The following GALNT17 variants were observed in gnomAD, a reference collection of about 807,000 sequenced individuals.
GALNT17 encodes the protein polypeptide N-acetylgalactosaminyltransferase 17, also known as UDP-GalNAc:polypeptide N-acetylgalactosaminyltransferase-like 3.
In GALNT17, 29 loss-of-function variants were observed where a neutral mutation model predicts 63.7. The ratio of observed to expected loss-of-function variants is 0.46; its 90% CI spans 0.34 to 0.62. The LOEUF is 0.62. Ranked by LOEUF, GALNT17 falls within the 20% of genes least tolerant of loss-of-function variation. The probability of loss-of-function intolerance (pLI) is 0.01; values close to 1 mark genes in which losing one functional copy is unlikely to be tolerated. For missense variants in GALNT17, 603 were observed against 799.6 expected, an observed-to-expected ratio of 0.75 and a Z score of 2.97; for synonymous variants, 305 against 318.3, an observed-to-expected ratio of 0.96 and a Z score of 0.45.
chr7:71,390,629 A>G (rs971269897), intron 3 of GALNT17, among the ~76,000 whole-genome samples: 1 of 152,040 alleles, frequency 6.6e-6, no homozygotes, highest in Non-Finnish European at 1.5e-5. Flanking sequence ...CTCTGCACCT[A>G]CCACAGACCT....
intron 5 of GALNT17, among the ~76,000 whole-genome samples, chr7:71,483,100 A>G (rs1787850402): frequency 6.6e-6 from 1 of 152,152 alleles, no homozygotes; most frequent in African/African-American, 2.4e-5. Flanking sequence ...TCTGGTATAA[A>G]AGACTAATCA....
intron 5 of GALNT17, among the ~76,000 whole-genome samples, chr7:71,424,427 G>A (rs1786721662): frequency 6.6e-6 from 1 of 152,232 alleles, no homozygotes; most frequent in Non-Finnish European, 1.5e-5. Flanking sequence ...AGTGCCTTCG[G>A]ATGCCCAGCA....
In GALNT17 at chr7:71,441,119, T is replaced by A. The variant is rs547932496; in HGVS notation, c.962+20014T>A. 2.0e-5 allele frequency among the ~76,000 whole-genome samples: 3 copies of A among 151,756 alleles called. No homozygotes were observed. In the South Asian group the frequency reaches 6.3e-4, roughly 32 times the overall value. On this transcript the variant is annotated intron_variant, in intron 5 of 10. Transcript: ENST00000333538. ...CTCACTGCAACCTCCGCCTCCTGGG[T>A]TCAAGTTGTTCTCCTGCCTCAGCCT... is the stretch of plus-strand genomic sequence containing the variant.
At chr7:71,688,405 C>T (rs116469968) in intron 9 of GALNT17, among the ~76,000 whole-genome samples, 36 of 152,262 alleles carry the variant, frequency 2.4e-4, no homozygotes, top group African/African-American at 8.4e-4. Context: ...CTTTGCAGAC[C>T]TCCATGCAAT....
chr7:71,473,409 C>T (rs1787673581), intron 5 of GALNT17, among the ~76,000 whole-genome samples: 1 of 152,140 alleles, frequency 6.6e-6, no homozygotes. Context: ...GACAGCTTTG[C>T]AAAGCCATTT....
rs776909727 is a variant in GALNT17, at chr7:71,415,933, C to T, written c.634C>T (p.Pro212Ser). ...AGAGGAGTATGTCCACAAACGCTAC[C>T]CCGGGCTGGTGAAGGTGGTAAGAAA... ...PLEEYVHKRY[P>S]GLVKVVRNQK... The change falls in exon 4 of 11, where the codon CCC (proline) becomes TCC (serine). Residue 212 changes from proline to serine, a missense_variant. Physicochemically the swap from Pro to Ser is moderately conservative, Grantham distance 74. Around this residue, in one of 3 missense-constraint regions of GALNT17, gnomAD observed 336 missense variants for 507.8 expected, o/e 0.66. Coordinates refer to ENST00000333538, the MANE Select transcript of GALNT17 (RefSeq NM_022479.3). 3.1e-6 allele frequency: 5 copies of T among 1,613,244 alleles called. No individual in the cohort carries two copies. The highest frequency in any genetic ancestry group is 1.7e-4 in the Middle Eastern group (1 of 6,058).
At chr7:71,592,566 A>T (rs1255659861) in intron 6 of GALNT17, among the ~76,000 whole-genome samples, 58 of 75,596 alleles carry the variant, frequency 7.7e-4, no homozygotes, top group African/African-American at 2.1e-3. Context: ...TAGCATACTA[A>T]AATAAAATAA....
At chr7:71,672,677 G>A (rs948893814) in intron 8 of GALNT17, among the ~76,000 whole-genome samples, 2 of 151,998 alleles carry the variant, frequency 1.3e-5, no homozygotes, top group South Asian at 2.1e-4. Flanking sequence ...TCAGCCTCCC[G>A]AGTAGCTGGG....
chr7:71,388,683 C>T (rs574602350), intron 3 of GALNT17, among the ~76,000 whole-genome samples: 109 of 151,826 alleles, frequency 7.2e-4, no homozygotes, highest in Non-Finnish European at 1.3e-3. Flanking sequence ...CCCGGCACCA[C>T]GCCTGGCTAA....
chr7:71,384,518 A>T lies in GALNT17; in HGVS notation c.423-3717A>T, dbSNP rs560729647. 1.3e-4 allele frequency among the ~76,000 whole-genome samples: 20 copies of T among 152,254 alleles called. No individual in the cohort carries two copies. The East Asian group carries it at 3.7e-3, about 28-fold the overall frequency. Reference sequence around the variant, plus strand: ...GTTTCCGTCCCATGTTGCCTTCCAGAGCTCTGAGAGTTTGAGGGTAGTATG... The same window carrying T: ...GTTTCCGTCCCATGTTGCCTTCCAGTGCTCTGAGAGTTTGAGGGTAGTATG... On this transcript the variant is annotated intron_variant, in intron 2 of 10. Transcript: ENST00000333538.
chr7:71,522,573 G>C (rs1015444943), intron 5 of GALNT17, among the ~76,000 whole-genome samples: 5 of 152,042 alleles, frequency 3.3e-5, no homozygotes, highest in African/African-American at 1.2e-4. Context: ...AGAACAGTAT[G>C]GGAAAGACCC....
intron 10 of GALNT17, among the ~76,000 whole-genome samples, chr7:71,711,627 TCTC>T (rs557827075): frequency 1.3e-5 from 2 of 151,228 alleles, no homozygotes; most frequent in East Asian, 3.9e-4. Context: ...TCTCTGTTCC[TCTC>T]CTCTCTTCTC....
chr7:71,422,370 A>G (rs1017214164), intron 5 of GALNT17, among the ~76,000 whole-genome samples: 10 of 152,202 alleles, frequency 6.6e-5, no homozygotes, highest in Non-Finnish European at 1.2e-4. Flanking sequence ...AGAATCCAGG[A>G]TTATCTCCCA....
rs1051310238 is a variant in GALNT17 at position 71,241,821 on chromosome 7, C to G, written c.239-93729C>G. Among the ~76,000 whole-genome samples, 3 of 152,072 alleles carry G rather than the reference C, an allele frequency of 2.0e-5. No homozygotes were observed. In the South Asian group the frequency reaches 6.2e-4, roughly 32 times the overall value. ...GGAGGATTGCTTGAGCCCAGGAGTT[C>G]TAGGCTGCAGTGAGCCATGATCACG... On this transcript the variant is annotated intron_variant, in intron 1 of 10. Transcript: ENST00000333538.
chr7:71,509,532 CTG>C (rs1788320538), intron 5 of GALNT17, among the ~76,000 whole-genome samples: 1 of 152,250 alleles, frequency 6.6e-6, no homozygotes, highest in Admixed American at 6.5e-5. Context: ...ATAATTATCT[CTG>C]TTGTGTAGCT....
rs1008197991 is a variant in GALNT17, at chr7:71,227,616, C to T, written c.238+94576C>T. Reference sequence around the variant, plus strand: ...CCCCCCTTGCTAGATGGCTTAATTTCGTTTGCTCTCACCATTTGATTTGAT... The same window carrying T: ...CCCCCCTTGCTAGATGGCTTAATTTTGTTTGCTCTCACCATTTGATTTGAT... On this transcript the variant is annotated intron_variant, in intron 1 of 10. Transcript: ENST00000333538. Among the ~76,000 whole-genome samples, 23 of 152,206 alleles carry T rather than the reference C, an allele frequency of 1.5e-4. 2 individuals are homozygous for T. Among genetic ancestry groups the T allele is most frequent in the Admixed American group, 8.5e-4 (13 of 15,288 alleles).
chr7:71,184,256 T>C (rs1788789903), intron 1 of GALNT17, among the ~76,000 whole-genome samples: 1 of 152,140 alleles, frequency 6.6e-6, no homozygotes, highest in Non-Finnish European at 1.5e-5. Flanking sequence ...ATTTCTGTTG[T>C]TCAAGCCACA....
intron 6 of GALNT17, among the ~76,000 whole-genome samples, chr7:71,584,451 C>T (rs1789685260): frequency 6.6e-6 from 1 of 152,052 alleles, no homozygotes; most frequent in East Asian, 1.9e-4. Context: ...TCAGTTACTG[C>T]TCATTGACTT....
intron 5 of GALNT17, among the ~76,000 whole-genome samples, chr7:71,460,501 G>A (rs1238457447): frequency 6.6e-6 from 1 of 152,188 alleles, no homozygotes; most frequent in African/African-American, 2.4e-5. Context: ...CCATATAATG[G>A]AGTTTGAGAC....
Sources: allele counts gnomAD v4.1 joint callset (sites outside exome capture counted in the v4.1 genomes callset), GRCh38; gene constraint gnomAD v4.1.1; regional missense constraint gnomAD v4.1.1; transcripts MANE v1.5; gene names NCBI Gene and HGNC (gene_info 2026-07-23, HGNC 2026-07-21).